MTAP: variants seen among roughly 807,000 people sequenced by gnomAD.
MTAP encodes S-methyl-5'-thioadenosine phosphorylase.
Under a neutral mutation model 33.6 loss-of-function variants are expected in MTAP, and 33 were observed. The observed-to-expected ratio is 0.98, with a 90% CI of 0.74 to 1.31. The LOEUF (loss-of-function observed/expected upper bound fraction) is 1.31, where lower values mean the gene tolerates loss of function less well. Ranked by LOEUF, MTAP falls within the 40% of genes most tolerant of loss-of-function variation. MTAP has a pLI of 0.00. For synonymous variants in MTAP, 148 were observed against 125.7 expected, an observed-to-expected ratio of 1.18 and a Z score of -1.19; for missense variants, 367 against 360.0, an observed-to-expected ratio of 1.02 and a Z score of -0.16.
chr9:21,890,927 G>C (rs1818191758), intron 1 of MTAP, among the ~76,000 whole-genome samples: 1 of 152,146 alleles, frequency 6.6e-6, no homozygotes, highest in South Asian at 2.1e-4. Context: ...ATACTGTTCT[G>C]TTCGTCCAAG....
At chr9:21,855,656 A>T (rs1825625297) in intron 6 of MTAP, among the ~76,000 whole-genome samples, 6 of 152,174 alleles carry the variant, frequency 3.9e-5, no homozygotes, top group Admixed American at 3.9e-4. Context: ...AGGCAGCAGG[A>T]TCCAGCTGGA....
chr9:21,811,812 T>C, intron 1 of MTAP: 1 of 514,690 alleles, frequency 1.9e-6, no homozygotes, highest in Admixed American at 2.0e-5. Context: ...TGCTCTGAGA[T>C]GCCCTTGATC....
exon 8 of MTAP, chr9:21,937,614 T>G (rs1819062256): frequency 6.6e-6 from 1 of 152,236 alleles, no homozygotes; most frequent in Admixed American, 6.5e-5. Context: ...TTGTTTGTTT[T>G]GTTTTTACAG....
chr9:21,939,938 T>C (rs1193350383), downstream of MTAP, among the ~76,000 whole-genome samples: 1 of 152,122 alleles, frequency 6.6e-6, no homozygotes, highest in Non-Finnish European at 1.5e-5. Flanking sequence ...ACACTGGTTA[T>C]ATTACCAAGG....
At chr9:21,877,753 G>A (rs944486498) in intron 1 of MTAP, among the ~76,000 whole-genome samples, 2 of 152,042 alleles carry the variant, frequency 1.3e-5, no homozygotes, top group Non-Finnish European at 2.9e-5. Context: ...TGTTGGATTC[G>A]ATTTGCTAGT....
chr9:21,912,251 A>C (rs1374198891), intron 1 of MTAP, among the ~76,000 whole-genome samples: 1 of 152,174 alleles, frequency 6.6e-6, no homozygotes, highest in South Asian at 2.1e-4. Flanking sequence ...CAATCAACAG[A>C]AAAAGAGGGA....
chr9:21,830,812 T>C (rs1389437797), intron 4 of MTAP, among the ~76,000 whole-genome samples: 1 of 152,232 alleles, frequency 6.6e-6, no homozygotes, highest in East Asian at 1.9e-4. Flanking sequence ...AGCATGACTA[T>C]GCATCACTGG....
chr9:21,932,061 CA>C (rs1392993854), downstream of MTAP: 1 of 152,030 alleles, frequency 6.6e-6, no homozygotes, highest in Non-Finnish European at 1.5e-5. Flanking sequence ...TTACAAAAGG[CA>C]AAATGATAAT....
downstream of MTAP, among the ~76,000 whole-genome samples, chr9:21,868,083 G>T (rs1825882275): frequency 6.6e-6 from 1 of 152,148 alleles, no homozygotes; most frequent in Admixed American, 6.5e-5. Flanking sequence ...GTTCTGGAAA[G>T]AAACTTATTG....
At chr9:21,903,567 T>C (rs1263739058) in intron 1 of MTAP, among the ~76,000 whole-genome samples, 1 of 152,130 alleles carries the variant, frequency 6.6e-6, no homozygotes, top group African/African-American at 2.4e-5. Context: ...AGGCACTGTA[T>C]GAGTCATTTC....
At chr9:21,808,404 G>A (rs1007768221) in intron 1 of MTAP, among the ~76,000 whole-genome samples, 6 of 145,070 alleles carry the variant, frequency 4.1e-5, no homozygotes, top group African/African-American at 8.0e-5. Context: ...GGGCAGCATG[G>A]TGAAACCTCA....
At chr9:21,833,409 ATCTAAAC>A (rs1485330139) in intron 4 of MTAP, among the ~76,000 whole-genome samples, 1 of 152,098 alleles carries the variant, frequency 6.6e-6, no homozygotes, top group Non-Finnish European at 1.5e-5. Context: ...GATCTTGAAC[ATCTAAAC>A]TCAAGGGTTC....
chr9:21,878,706 T>G (rs1329690749), intron 1 of MTAP, among the ~76,000 whole-genome samples: 1 of 152,152 alleles, frequency 6.6e-6, no homozygotes, highest in African/African-American at 2.4e-5. Context: ...TGCCATAAAC[T>G]GTCCTGTTAA....
At chr9:21,842,265 G>T (rs1156365214) in intron 5 of MTAP, among the ~76,000 whole-genome samples, 2 of 152,134 alleles carry the variant, frequency 1.3e-5, no homozygotes, top group African/African-American at 4.8e-5. Flanking sequence ...AGAAATTTGG[G>T]TTTATGTTAA....
At chr9:21,896,223 GAC>G (rs1191942534) in intron 1 of MTAP, among the ~76,000 whole-genome samples, 2 of 152,116 alleles carry the variant, frequency 1.3e-5, no homozygotes, top group Non-Finnish European at 2.9e-5. Flanking sequence ...TGAGAAAAAA[GAC>G]ACAACATACC....
At position 21,867,016 on chromosome 9, in the gene MTAP, AAT is replaced by A. The variant is rs1485152121; in HGVS notation, c.*5005_*5006del. ...TTTAAGTTTATTGCTGGTATACAGAAATATGTTTTATTTTTGTATATTGACTT... is the reference window on the plus strand; with the variant it reads ...TTTAAGTTTATTGCTGGTATACAGAAATGTTTTATTTTTGTATATTGACTT... On this transcript the variant is annotated 3_prime_UTR_variant, in exon 8 of 8. Transcript: ENST00000644715. 6.6e-6 allele frequency: 1 copy of A among 152,176 alleles called. No individual in the cohort carries two copies. Among genetic ancestry groups the A allele is most frequent in the African/African-American group, 2.4e-5 (1 of 41,448 alleles). The allele number at this position is 152,176 out of a possible 1,614,324, so 9.4% of individuals were successfully genotyped here.
At position 21,818,026 on chromosome 9, in the gene MTAP, C is replaced by T. The variant is rs1468560835; in HGVS notation, c.180-9C>T. ...TCACGGGTTAACAATTTCTTCTCTC[C>T]TTCCATAGGCATGGAAGGCAGCACA... On this transcript the variant is annotated splice_polypyrimidine_tract_variant and intron_variant, in intron 3 of 7. Coordinates refer to ENST00000644715, the MANE Select transcript of MTAP (RefSeq NM_002451.4). The T allele has an allele frequency of 5.6e-6, 9 of 1,603,050 alleles. No individual in the cohort carries two copies.
At position 21,863,251 on chromosome 9, in the gene MTAP, T is replaced by C; in HGVS notation, c.*1237T>C. The stretch of plus-strand genomic sequence containing the variant: ...AATTATTTTATACGAGTTGGTAATT[T>C]TTGCTTTTTAATAAAGTGGAAGCTT... On this transcript the variant is annotated 3_prime_UTR_variant, in exon 8 of 8. Coordinates refer to ENST00000644715, the MANE Select transcript of MTAP (RefSeq NM_002451.4). 1 of 978,678 alleles carries C rather than the reference T, an allele frequency of 1.0e-6. No homozygotes were observed. Among genetic ancestry groups the C allele is most frequent in the Non-Finnish European group, 1.2e-6 (1 of 823,778 alleles). 60.6% of individuals were successfully genotyped at this position (978,678 alleles called of 1,614,324 possible). A position where few individuals can be genotyped will look rare whatever the true frequency, so the allele number is the denominator to read the frequency against.
intron 1 of MTAP, among the ~76,000 whole-genome samples, chr9:21,804,583 C>T (rs1003000683): frequency 1.3e-5 from 2 of 152,128 alleles, no homozygotes; most frequent in East Asian, 1.9e-4. Context: ...ACAGCTTTGC[C>T]GTAGAGATTC....
Sources: gnomAD v4.1 joint callset for allele counts (sites outside exome capture counted in the v4.1 genomes callset) on GRCh38, gnomAD v4.1.1 for gene constraint, MANE v1.5 for transcripts, NCBI Gene and HGNC (gene_info 2026-07-23, HGNC 2026-07-21) for gene names.